The following SLC30A9 variants were observed in gnomAD, a reference collection of about 807,000 sequenced individuals.
SLC30A9 encodes the protein solute carrier family 30 member 9.
A neutral mutation model predicts 87.5 loss-of-function variants in SLC30A9; 58 were observed. The observed-to-expected ratio is 0.66, with a 90% confidence interval of 0.54 to 0.82. The LOEUF (loss-of-function observed/expected upper bound fraction) is 0.82, where lower values mean the gene tolerates loss of function less well. Ranked by LOEUF, SLC30A9 falls within the 40% of genes least tolerant of loss-of-function variation. The pLI is 0.00. For missense variants in SLC30A9, 557 were observed against 679.1 expected (o/e 0.82, Z 2.00); for synonymous variants, 234 against 233.0 (o/e 1.00, Z -0.04).
At position 42,065,271 on chromosome 4, in the gene SLC30A9, G is replaced by A. The variant is rs751736570; in HGVS notation, c.1033-39G>A. ...TATATATGAACAATTGTGATTGGAA[G>A]TACTTAATTTATGCTTTATTTTAAT... On this transcript the variant is annotated intron_variant, in intron 11 of 17. Transcript: ENST00000264451. 7.1e-6 allele frequency: 7 copies of A among 982,278 alleles called. No individual in the cohort carries two copies. In the East Asian group the frequency reaches 1.7e-4, roughly 23 times the overall value. The allele number at this position is 982,278 out of a possible 1,614,324, so 60.8% of individuals were successfully genotyped here.
At chr4:42,002,707 T>A (rs1399288163) in intron 2 of SLC30A9, among the ~76,000 whole-genome samples, 1 of 152,162 alleles carries the variant, frequency 6.6e-6, no homozygotes, top group Non-Finnish European at 1.5e-5. Context: ...TCTAAGTCTT[T>A]GCTATTGTGA....
intron 7 of SLC30A9, among the ~76,000 whole-genome samples, chr4:42,036,055 CTT>C (rs1002337100): frequency 1.3e-4 from 20 of 152,112 alleles, no homozygotes; most frequent in African/African-American, 4.8e-4. Context: ...TGTGATTGTT[CTT>C]TCTTCCTTAT....
intron 7 of SLC30A9, among the ~76,000 whole-genome samples, chr4:42,038,730 C>T (rs1386144644): frequency 6.6e-6 from 1 of 152,156 alleles, no homozygotes; most frequent in Non-Finnish European, 1.5e-5. Flanking sequence ...TTTATGTAGC[C>T]AGCTCAGATC....
At chr4:42,025,034 A>G (rs1428339902) in intron 6 of SLC30A9, among the ~76,000 whole-genome samples, 1 of 152,180 alleles carries the variant, frequency 6.6e-6, no homozygotes, top group African/African-American at 2.4e-5. Context: ...GGAAATTTCA[A>G]ACATATTCAG....
chr4:42,029,518 G>A, intron 6 of SLC30A9: 1 of 675,998 alleles, frequency 1.5e-6, no homozygotes, highest in South Asian at 1.6e-5. Context: ...TGAGGCATAT[G>A]TGCTGAACGT....
chr4:42,008,646 A>G (rs191909650), intron 2 of SLC30A9, among the ~76,000 whole-genome samples: 13 of 152,338 alleles, frequency 8.5e-5, no homozygotes, highest in African/African-American at 2.9e-4. Context: ...AGGAGCCTGC[A>G]AAGCAGACTT....
At position 41,990,698 on chromosome 4, in the gene SLC30A9, C is replaced by T. The variant is rs147121215; in HGVS notation, c.47C>T (p.Ser16Phe). The T allele has an allele frequency of 4.3e-4, 687 of 1,612,204 alleles. 5 individuals are homozygous for T. In the African/African-American group the frequency reaches 6.7e-3, roughly 16 times the overall value. ...AAAAAHRCSW[S>F]SLCRLRLRCR... is the part of the protein sequence containing the mutation. ...GCCGCGGCCCACAGATGTAGCTGGT[C>T]CTCCCTGTGCCGGCTCCGTCTGCGA... The change falls in exon 1 of 18, where the codon TCC becomes TTC. Residue 16 changes from serine to phenylalanine, a missense_variant. Coordinates refer to ENST00000264451, the MANE Select transcript of SLC30A9 (RefSeq NM_006345.4).
At chr4:42,036,648 AAGTTT>A (rs1450935676) in intron 7 of SLC30A9, among the ~76,000 whole-genome samples, 17 of 152,340 alleles carry the variant, frequency 1.1e-4, no homozygotes, top group Admixed American at 8.5e-4. Flanking sequence ...CCATTTTGCA[AAGTTT>A]AGACATTGGC....
intron 7 of SLC30A9, among the ~76,000 whole-genome samples, chr4:42,035,662 A>G (rs1210203326): frequency 6.6e-6 from 1 of 151,816 alleles, no homozygotes; most frequent in Non-Finnish European, 1.5e-5. Context: ...TGCCCAGTTA[A>G]TTTTTGTGTT....
chr4:42,059,775 A>G (rs12500788), intron 9 of SLC30A9, among the ~76,000 whole-genome samples: 99,220 of 152,040 alleles, frequency 0.65, 36,880 homozygotes, highest in East Asian at 0.96. Context: ...ACTACAAAGC[A>G]TAAGTTCTGT....
At chr4:42,062,058 G>A (rs1328137955) in intron 10 of SLC30A9, among the ~76,000 whole-genome samples, 3 of 151,980 alleles carry the variant, frequency 2.0e-5, no homozygotes, top group Admixed American at 1.3e-4. Context: ...GCTGGGTGTG[G>A]TGGTGCATGC....
At chr4:42,069,764 C>T (rs376138910) in intron 14 of SLC30A9, among the ~76,000 whole-genome samples, 2 of 152,302 alleles carry the variant, frequency 1.3e-5, no homozygotes, top group African/African-American at 4.8e-5. Context: ...CAGCCTTTCT[C>T]ATTGGTTCTG....
At chr4:42,042,803 A>T (rs1486784730) in intron 8 of SLC30A9, among the ~76,000 whole-genome samples, 1 of 152,154 alleles carries the variant, frequency 6.6e-6, no homozygotes, top group Non-Finnish European at 1.5e-5. Flanking sequence ...AGCAGGGATC[A>T]ACAGACACCT....
At chr4:42,066,745 G>T (rs892868067) in intron 13 of SLC30A9, 124 bp downstream of exon 13, 15 of 595,528 alleles carry the variant, frequency 2.5e-5, no homozygotes, top group Non-Finnish European at 4.0e-5. Context: ...TCCCTGTGTG[G>T]CTCTTACATA....
chr4:42,044,343 C>T (rs1343836770), intron 8 of SLC30A9, among the ~76,000 whole-genome samples: 17 of 77,534 alleles, frequency 2.2e-4, no homozygotes, highest in Non-Finnish European at 3.5e-4. Context: ...CACATAGGCT[C>T]AAAATAAAGG....
At chr4:42,027,756 T>C (rs1716256929) in intron 6 of SLC30A9, among the ~76,000 whole-genome samples, 1 of 152,132 alleles carries the variant, frequency 6.6e-6, no homozygotes, top group Non-Finnish European at 1.5e-5. Flanking sequence ...TTCACAAAAA[T>C]AGAAAATGAA....
intron 2 of SLC30A9, among the ~76,000 whole-genome samples, chr4:42,015,718 G>C (rs763215140): frequency 9.2e-5 from 14 of 152,044 alleles, no homozygotes; most frequent in South Asian, 2.1e-4. Flanking sequence ...AGCTCCTGCT[G>C]AAAGTCCAAA....
chr4:42,017,341 T>C (rs114633076), intron 2 of SLC30A9, among the ~76,000 whole-genome samples: 3,844 of 149,744 alleles, frequency 0.026, 71 homozygotes, highest in African/African-American at 0.041. Context: ...GTTGGAAATA[T>C]CTTCTCTCAG....
chr4:42,058,974 G>T (rs1283915627), intron 9 of SLC30A9, among the ~76,000 whole-genome samples: 3 of 152,090 alleles, frequency 2.0e-5, no homozygotes, highest in African/African-American at 7.2e-5. Flanking sequence ...TAGGTGGTTT[G>T]CTCCCTTTTC....
Sources: allele counts gnomAD v4.1 joint callset (sites outside exome capture counted in the v4.1 genomes callset), GRCh38; gene constraint gnomAD v4.1.1; transcripts MANE v1.5; gene names NCBI Gene and HGNC (gene_info 2026-07-23, HGNC 2026-07-21).